The following PRSS12 variants were observed in gnomAD, a reference collection of about 807,000 sequenced individuals.
PRSS12 encodes the protein neurotrypsin.
PRSS12 carries 85 observed loss-of-function variants against 104.4 expected under a neutral mutation model. The observed-to-expected ratio is 0.81, with a 90% CI of 0.68 to 0.98. The LOEUF (loss-of-function observed/expected upper bound fraction) is 0.98. PRSS12 is among the 50% of genes least tolerant of loss of function. The probability of loss-of-function intolerance (pLI) is 0.00; values close to 1 mark genes in which losing one functional copy is unlikely to be tolerated. For synonymous variants in PRSS12, 454 were observed against 425.2 expected (o/e 1.07, Z -0.83); for missense variants, 1,141 against 1,139.2 (o/e 1.00, Z -0.02).
chr4:118,345,642 T>G (rs1199012609), intron 1 of PRSS12, among the ~76,000 whole-genome samples: 8 of 152,142 alleles, frequency 5.3e-5, no homozygotes, highest in Admixed American at 5.2e-4. Context: ...CAGATATAAA[T>G]GCGTCATAAT....
intron 6 of PRSS12, among the ~76,000 whole-genome samples, chr4:118,313,671 A>G (rs1418567416): frequency 2.6e-5 from 4 of 152,186 alleles, no homozygotes; most frequent in African/African-American, 9.7e-5. Flanking sequence ...TACAAAACCA[A>G]TCAGAGAGAA....
Position 118,281,703 on chromosome 4 carries a change from C to G in PRSS12, c.*233G>C, listed in dbSNP as rs886059032. ...GATAGATGAGGCTTAGAATAAGTCA[C>G]TCCAGTGAAATTAGGGTAGAAAATG... On this transcript the variant is annotated 3_prime_UTR_variant, in exon 13 of 13. Transcript: ENST00000296498. The G allele has an allele frequency of 1.5e-4, 85 of 569,856 alleles. No individual in the cohort carries two copies. Among genetic ancestry groups the G allele is most frequent in the Admixed American group, 1.1e-3 (38 of 33,712 alleles). The allele number at this position is 569,856 out of a possible 1,614,324, so 35.3% of individuals were successfully genotyped here. A position where few individuals can be genotyped will look rare whatever the true frequency, so the allele number is the denominator to read the frequency against.
At chr4:118,331,240 C>T (rs920516472) in intron 4 of PRSS12, among the ~76,000 whole-genome samples, 1 of 152,166 alleles carries the variant, frequency 6.6e-6, no homozygotes, top group African/African-American at 2.4e-5. Context: ...CATAGGCTTC[C>T]TTTCCAACCC....
chr4:118,314,972 CT>C (rs1743866976), intron 6 of PRSS12, among the ~76,000 whole-genome samples: 1 of 152,042 alleles, frequency 6.6e-6, no homozygotes. Flanking sequence ...TATTTATTAA[CT>C]AATTCTTATC....
chr4:118,309,989 T>C (rs1271990198), intron 7 of PRSS12, among the ~76,000 whole-genome samples: 1 of 152,166 alleles, frequency 6.6e-6, no homozygotes, highest in Admixed American at 6.6e-5. Context: ...CAAGGCAGTA[T>C]AGCGGAATCA....
chr4:118,304,646 T>C (rs1465990496), intron 8 of PRSS12, among the ~76,000 whole-genome samples: 1 of 152,058 alleles, frequency 6.6e-6, no homozygotes, highest in Non-Finnish European at 1.5e-5. Context: ...ATTTCCGTCA[T>C]GACTACTTAG....
At position 118,282,892 on chromosome 4, in the gene PRSS12, G is replaced by A; in HGVS notation, c.2259C>T (p.Leu753=). ...SSHVLPACLP[L]WRERPQKTAS... ...CTGTTTTCTGTGGCCTCTCTCTCCA[G>A]AGTGGTAAACAGGCTGGCAAAACAT... Residue 753 remains leucine, a synonymous_variant, in exon 12 of 13, where the codon CTC becomes CTT. Transcript: ENST00000296498. 1.2e-6 allele frequency: 2 copies of A among 1,614,152 alleles called. No homozygotes were observed. Among genetic ancestry groups the A allele is most frequent in the Non-Finnish European group, 1.7e-6 (2 of 1,180,030 alleles).
intron 12 of PRSS12, among the ~76,000 whole-genome samples, 177 bp downstream of exon 12, chr4:118,282,654 T>G (rs547072797): frequency 2.0e-5 from 3 of 152,346 alleles, no homozygotes; most frequent in Non-Finnish European, 4.4e-5. Context: ...AAGTTCTCAT[T>G]AGAACCAACA....
At chr4:118,320,923 C>T (rs1459587611) in intron 4 of PRSS12, among the ~76,000 whole-genome samples, 1 of 152,046 alleles carries the variant, frequency 6.6e-6, no homozygotes. Flanking sequence ...ATAGAGGAAG[C>T]TGAGGAAAAG....
chr4:118,299,755 T>TAAAATAAAATAAAATAAAATA (rs1371033737), intron 8 of PRSS12, among the ~76,000 whole-genome samples: 1 of 81,348 alleles, frequency 1.2e-5, no homozygotes, highest in Non-Finnish European at 2.5e-5. Flanking sequence ...ATAAATAAAA[T>TAAAATAAAATAAAATAAAATA]AAATAAAATT....
chr4:118,340,630 G>A (rs567906657), intron 1 of PRSS12, among the ~76,000 whole-genome samples: 3 of 152,254 alleles, frequency 2.0e-5, no homozygotes, highest in Admixed American at 6.5e-5. Context: ...TTGAACACAC[G>A]ATTCATTCTA....
chr4:118,350,235 A>G (rs1724459558), intron 1 of PRSS12, among the ~76,000 whole-genome samples: 1 of 152,188 alleles, frequency 6.6e-6, no homozygotes, highest in Non-Finnish European at 1.5e-5. Context: ...GTCTTACCCA[A>G]CAGTGCACAG....
Position 118,352,978 on chromosome 4 carries a change from C to T in PRSS12, c.-258G>A, listed in dbSNP as rs550243761. On this transcript the variant is annotated 5_prime_UTR_variant, in exon 1 of 13. Transcript: ENST00000296498. ...CCGAGCCCCGGCCGGCGGAGAGGAC[C>T]GGAAAAGAGAAGGCGCGGACGCAGC... 16 of 925,620 alleles carry T rather than the reference C, an allele frequency of 1.7e-5. No homozygotes were observed. In the South Asian group the frequency reaches 2.1e-4, roughly 12 times the overall value. The allele number at this position is 925,620 out of a possible 1,614,324, so 57.3% of individuals were successfully genotyped here.
intron 1 of PRSS12, among the ~76,000 whole-genome samples, chr4:118,348,800 T>C (rs6810739): frequency 0.83 from 126,039 of 151,910 alleles, 54,660 homozygotes; most frequent in Non-Finnish European, 0.95. Context: ...TACATGCATG[T>C]GCCACCATGC....
intron 4 of PRSS12, among the ~76,000 whole-genome samples, chr4:118,319,226 A>G (rs1037038655): frequency 6.6e-6 from 1 of 151,984 alleles, no homozygotes; most frequent in Non-Finnish European, 1.5e-5. Flanking sequence ...CACCTGGCTA[A>G]TTTTCTTTTT....
At chr4:118,299,466 A>C (rs541783013) in intron 8 of PRSS12, among the ~76,000 whole-genome samples, 1 of 152,028 alleles carries the variant, frequency 6.6e-6, no homozygotes, top group East Asian at 1.9e-4. Context: ...GGATCACCTG[A>C]GGTCAGGAGT....
chr4:118,334,066 A>G (rs1361735014), intron 3 of PRSS12, among the ~76,000 whole-genome samples: 3 of 152,330 alleles, frequency 2.0e-5, no homozygotes, highest in African/African-American at 7.2e-5. Flanking sequence ...ATTTAAGGGA[A>G]GTATACTAAA....
Position 118,298,819 on chromosome 4 carries a change from A to T in PRSS12, c.1751T>A (p.Ile584Asn), listed in dbSNP as rs148394828. The change falls in exon 9 of 13, where the codon ATT (isoleucine) becomes AAT (asparagine). Residue 584 changes from isoleucine (I) to asparagine (N), a missense_variant. Ile to Asn is a moderately radical substitution (Grantham distance 149). Coordinates refer to ENST00000296498, the MANE Select transcript of PRSS12 (RefSeq NM_003619.4). ...ACTGTGGCGGCAGTTGTGTCTTCCA[A>T]TATCTTGCTTGATACAGTCAGCCAA... ...RSLADCIKQD[I>N]GRHNCRHSED... The T allele has an allele frequency of 6.2e-7, 1 of 1,614,030 alleles. No individual in the cohort carries two copies. Among genetic ancestry groups the T allele is most frequent in the African/African-American group, 1.3e-5 (1 of 74,916 alleles).
In PRSS12 at chr4:118,305,118, T is replaced by TAC. The variant is rs1204550074; in HGVS notation, c.1631+3317_1631+3318insGT. ...TTTATAATTTATATATATATATATA[T>TAC]ATACACACACACACACACATATATA... On this transcript the variant is annotated intron_variant, in intron 8 of 12. Coordinates refer to ENST00000296498, the MANE Select transcript of PRSS12 (RefSeq NM_003619.4). Among the ~76,000 whole-genome samples the TAC allele has an allele frequency of 5.3e-3, 782 of 148,224 alleles. 8 individuals are homozygous for TAC. Among genetic ancestry groups the TAC allele is most frequent in the Middle Eastern group, 7.1e-3 (2 of 280 alleles).
Sources: allele counts gnomAD v4.1 joint callset (sites outside exome capture counted in the v4.1 genomes callset), GRCh38; gene constraint gnomAD v4.1.1; transcripts MANE v1.5; gene names NCBI Gene and HGNC (gene_info 2026-07-23, HGNC 2026-07-21).